CDHR1: variants seen among roughly 807,000 people sequenced by gnomAD.
CDHR1 encodes cadherin related family member 1, also known as cadherin-related family member 1.
In CDHR1, 61 loss-of-function variants were observed where a neutral mutation model predicts 72.1. That is an observed-to-expected ratio of 0.85 (90% CI 0.69 to 1.05). The LOEUF is 1.05. Among genes scored for constraint, CDHR1 ranks in the 50% least tolerant of loss-of-function variants. The pLI is 0.00. For synonymous variants in CDHR1, 470 were observed against 448.1 expected (o/e 1.05, Z -0.62); for missense variants, 1,186 against 1,115.7 (o/e 1.06, Z -0.90).
chr10:84,201,816 T>C lies in CDHR1; in HGVS notation c.535T>C (p.Ser179Pro). ...CCCCTAATTCTTATAGAACCTGCAC[T>C]CCCCATTTGCCGTGGACCGCCACAG... ...SVTYFLQNLH[S>P]PFAVDRHSGV... Residue 179 changes from serine to proline, a missense_variant, in exon 7 of 17, where the codon TCC (serine) becomes CCC (proline). Physicochemically the swap from Ser to Pro is moderately conservative, Grantham distance 74 (BLOSUM62 -1). Coordinates refer to ENST00000623527, the MANE Select transcript of CDHR1 (RefSeq NM_033100.4). The C allele has an allele frequency of 6.2e-7, 1 of 1,610,372 alleles. No homozygotes were observed. Among genetic ancestry groups the C allele is most frequent in the Admixed American group, 1.7e-5 (1 of 60,024 alleles).
intron 10 of CDHR1, 65 bp from the exon 11 acceptor site, chr10:84,208,109 G>T (rs1461530329): frequency 1.7e-5 from 23 of 1,391,272 alleles, no homozygotes; most frequent in Non-Finnish European, 2.3e-5. Flanking sequence ...TGCAGGGGAG[G>T]TAGGAGCTGG....
At position 84,215,788 on chromosome 10, in the gene CDHR1, G is replaced by A; in HGVS notation, c.*1167G>A. The A allele has an allele frequency of 1.0e-6, 1 of 985,484 alleles. No individual in the cohort carries two copies. The highest frequency in any genetic ancestry group is 1.2e-6 in the Non-Finnish European group (1 of 829,998). 61.0% of individuals were successfully genotyped at this position (985,484 alleles called of 1,614,324 possible). On this transcript the variant is annotated 3_prime_UTR_variant, in exon 17 of 17. Coordinates refer to ENST00000623527, the MANE Select transcript of CDHR1 (RefSeq NM_033100.4). The stretch of plus-strand genomic sequence containing the variant: ...CAAGCGCCCCAGCAGGCACTGTGCT[G>A]GGCTTAGGGGCTACCACTGGATGAT...
chr10:84,201,369 G>A (rs1842121986), intron 6 of CDHR1, among the ~76,000 whole-genome samples: 2 of 152,206 alleles, frequency 1.3e-5, no homozygotes, highest in African/African-American at 4.8e-5. Context: ...CCCGATGCCA[G>A]GCTGCCTGGG....
chr10:84,212,334 A>G lies in CDHR1; in HGVS notation c.1709A>G (p.Asn570Ser), dbSNP rs1217171514. 9 of 1,614,096 alleles carry G rather than the reference A, an allele frequency of 5.6e-6. No homozygotes were observed. The highest frequency in any genetic ancestry group is 4.5e-5 in the East Asian group (2 of 44,892). Residue 570 changes from asparagine to serine, a missense_variant, in exon 15 of 17, where the codon AAT (asparagine) becomes AGT (serine). By Grantham distance (46) the Asn-to-Ser change is conservative. Coordinates refer to ENST00000623527, the MANE Select transcript of CDHR1 (RefSeq NM_033100.4). ...AEVFITLLDV[N>S]DHPPQFGKSV... ...GTGTTTATCACACTGCTGGATGTCA[A>G]TGACCACCCCCCTCAGTTTGGAAAG...
chr10:84,205,514 T>TCA (rs33921515), intron 9 of CDHR1, among the ~76,000 whole-genome samples: 12,859 of 144,898 alleles, frequency 0.089, 587 homozygotes, highest in East Asian at 0.13. Flanking sequence ...TCTCTTTTCT[T>TCA]CACACACACA....
Position 84,195,563 on chromosome 10 carries a change from T to G in CDHR1, c.125T>G (p.Phe42Cys). 6.2e-7 allele frequency: 1 copy of G among 1,614,172 alleles called. No homozygotes were observed. The highest frequency in any genetic ancestry group is 1.1e-5 in the South Asian group (1 of 91,076). The change falls in exon 2 of 17, where the codon TTC becomes TGC. Residue 42 changes from phenylalanine to cysteine, a missense_variant. Coordinates refer to ENST00000623527, the MANE Select transcript of CDHR1 (RefSeq NM_033100.4). The stretch of plus-strand genomic sequence containing the variant: ...AGCACCAACGGAAACATGGCTCTGT[T>G]CAGCCTCCCAGAGGACACCCCTGTA... ...VGSTNGNMALFSLPEDTPVGS... is the reference protein window; with the variant it reads ...VGSTNGNMALCSLPEDTPVGS...
At chr10:84,204,721 T>C (rs1842194157) in intron 9 of CDHR1, 116 bp downstream of exon 9, 6 of 754,318 alleles carry the variant, frequency 8.0e-6, no homozygotes, top group African/African-American at 1.7e-5. Context: ...TTACAAGATG[T>C]ATGGAGAGGA....
rs1310393428 is a variant in CDHR1, at chr10:84,214,999, C to T, written c.*378C>T. 8.6e-7 allele frequency: 1 copy of T among 1,156,444 alleles called. No individual in the cohort carries two copies. Among genetic ancestry groups the T allele is most frequent in the African/African-American group, 1.6e-5 (1 of 62,512 alleles). 71.6% of individuals were successfully genotyped at this position (1,156,444 alleles called of 1,614,324 possible). On this transcript the variant is annotated 3_prime_UTR_variant, in exon 17 of 17. Transcript: ENST00000623527. ...CTGGGATCTCATCATCATCCTTAGT[C>T]AAGCAGCAGGGCCCTGGCCACGTGG...
At chr10:84,212,614 A>C (rs569294126) in intron 15 of CDHR1, among the ~76,000 whole-genome samples, 5 of 152,368 alleles carry the variant, frequency 3.3e-5, no homozygotes, top group African/African-American at 1.2e-4. Flanking sequence ...ACAAATGAAA[A>C]AAACAGGCCA....
chr10:84,206,020 T>G, intron 10 of CDHR1, 93 bp downstream of exon 10: 1 of 903,348 alleles, frequency 1.1e-6, no homozygotes, highest in Non-Finnish European at 1.8e-6. Flanking sequence ...CTGGGGCCCA[T>G]AGTCTGGGGA....
Position 84,201,940 on chromosome 10 carries a change from G to T in CDHR1, c.639+20G>T. ...GCCAAGGTAACACAGCAGGACAGGG[G>T]AGCATCCAGTGTCTCCTCAGCCCTT... On this transcript the variant is annotated intron_variant, in intron 7 of 16. Transcript: ENST00000623527. 1 of 1,573,732 alleles carries T rather than the reference G, an allele frequency of 6.4e-7. No individual in the cohort carries two copies. The highest frequency in any genetic ancestry group is 8.7e-7 in the Non-Finnish European group (1 of 1,155,430).
chr10:84,211,386 AG>A (rs1842329023), intron 13 of CDHR1, among the ~76,000 whole-genome samples: 1 of 152,264 alleles, frequency 6.6e-6, no homozygotes, highest in Non-Finnish European at 1.5e-5. Context: ...CAACAATCAC[AG>A]GGCATGGGAC....
rs1481131474 is a variant in CDHR1, at chr10:84,218,651, G to T, written c.*4030G>T. The T allele has an allele frequency of 1.0e-6, 1 of 986,078 alleles. No homozygotes were observed. Among genetic ancestry groups the T allele is most frequent in the East Asian group, 1.1e-4 (1 of 8,854 alleles). 61.1% of individuals were successfully genotyped at this position (986,078 alleles called of 1,614,324 possible). On this transcript the variant is annotated 3_prime_UTR_variant, in exon 17 of 17. Coordinates refer to ENST00000623527, the MANE Select transcript of CDHR1 (RefSeq NM_033100.4). ...AAGGCATTTGCCTTAAACTTGTATG[G>T]TCTAAACTCTAAATAAATAAGCTTC...
Position 84,205,902 on chromosome 10 carries a change from G to A in CDHR1, c.938G>A (p.Arg313Lys), listed in dbSNP as rs144058677. 522 of 1,614,060 alleles carry A rather than the reference G, an allele frequency of 3.2e-4. No homozygotes were observed. In the African/African-American group the frequency reaches 6.0e-3, roughly 19 times the overall value. The change falls in exon 10 of 17, where the codon AGA becomes AAA. Residue 313 changes from arginine to lysine, a missense_variant. Coordinates refer to ENST00000623527, the MANE Select transcript of CDHR1 (RefSeq NM_033100.4). ...SITQSPAQLQ[R>K]EVYELHVQVT... Reference sequence around the variant, plus strand: ...ACTCAGAGCCCGGCCCAGCTCCAGAGAGAGGTGTATGAGCTGCATGTACAG... The same window carrying A: ...ACTCAGAGCCCGGCCCAGCTCCAGAAAGAGGTGTATGAGCTGCATGTACAG...
At chr10:84,204,654 C>G (rs757929412) in intron 9 of CDHR1, 49 bp downstream of exon 9, 1 of 1,300,042 alleles carries the variant, frequency 7.7e-7, no homozygotes, top group Non-Finnish European at 1.1e-6. Context: ...TCTAGGTGAC[C>G]AGAGCAAGGT....
chr10:84,213,013 A>G, intron 15 of CDHR1, 78 bp from the exon 16 acceptor site: 2 of 1,578,622 alleles, frequency 1.3e-6, no homozygotes, highest in Non-Finnish European at 1.7e-6. Flanking sequence ...AGCAAGCCCC[A>G]TATGACGTGC....
chr10:84,215,881 C>T lies in CDHR1; in HGVS notation c.*1260C>T, dbSNP rs886047342. 9 of 985,360 alleles carry T rather than the reference C, an allele frequency of 9.1e-6. No individual in the cohort carries two copies. Among genetic ancestry groups the T allele is most frequent in the Non-Finnish European group, 9.6e-6 (8 of 829,988 alleles). 61.0% of individuals were successfully genotyped at this position (985,360 alleles called of 1,614,324 possible). ...CACTCCATCCCCGCTACCGTCCTGGCCAGCTACCGTCAGAGAGAACCAGAG... is the reference window on the plus strand; with the variant it reads ...CACTCCATCCCCGCTACCGTCCTGGTCAGCTACCGTCAGAGAGAACCAGAG... On this transcript the variant is annotated 3_prime_UTR_variant, in exon 17 of 17. Transcript: ENST00000623527.
chr10:84,197,419 G>A (rs1466703689), intron 3 of CDHR1, among the ~76,000 whole-genome samples: 2 of 152,192 alleles, frequency 1.3e-5, no homozygotes. Context: ...GGTGTGGAGA[G>A]AAAAGGGGAG....
At chr10:84,206,306 G>A (rs1200717915) in intron 10 of CDHR1, among the ~76,000 whole-genome samples, 1 of 137,608 alleles carries the variant, frequency 7.3e-6, no homozygotes, top group Non-Finnish European at 1.5e-5. Flanking sequence ...AGAGAAAGAT[G>A]GGCAGCCTGG....
Sources: allele counts gnomAD v4.1 joint callset (sites outside exome capture counted in the v4.1 genomes callset), GRCh38; gene constraint gnomAD v4.1.1; transcripts MANE v1.5; gene names NCBI Gene and HGNC (gene_info 2026-07-23, HGNC 2026-07-21).